Variants in PGBD5 observed in about 807,000 individuals in gnomAD.
The protein encoded by PGBD5 is piggyBac transposable element-derived protein 5.
In PGBD5, 14 loss-of-function variants were observed where a neutral mutation model predicts 47.9. The ratio of observed to expected loss-of-function variants is 0.29; its 90% CI spans 0.19 to 0.46. The LOEUF (loss-of-function observed/expected upper bound fraction) is 0.46. Among genes scored for constraint, PGBD5 ranks in the 20% least tolerant of loss-of-function variants. The pLI is 1.00. For missense variants in PGBD5, 635 were observed against 716.0 expected (o/e 0.89, Z 1.29); for synonymous variants, 316 against 306.3 (o/e 1.03, Z -0.33).
rs1666978139 is a variant in PGBD5 at position 230,318,086 on chromosome 1, C to G, written c.*5339G>C. ...TCAGAGCTAGGAGAATGTGCCTGGG[C>G]TGCTGGAGAACTGGGGTGCGCACTG... On this transcript the variant is annotated 3_prime_UTR_variant, in exon 7 of 7. Transcript: ENST00000391860. 1 of 152,258 alleles carries G rather than the reference C, an allele frequency of 6.6e-6. No individual in the cohort carries two copies. The highest frequency in any genetic ancestry group is 2.1e-4 in the South Asian group (1 of 4,828). The allele number at this position is 152,258 out of a possible 1,614,324, so 9.4% of individuals were successfully genotyped here.
intron 1 of PGBD5, among the ~76,000 whole-genome samples, chr1:230,414,084 G>A (rs893139908): frequency 6.6e-6 from 1 of 152,108 alleles, no homozygotes; most frequent in Non-Finnish European, 1.5e-5. Flanking sequence ...TAGTCGTTTG[G>A]GATTACGAAC....
At chr1:230,334,162 T>C (rs1477729683) in intron 4 of PGBD5, among the ~76,000 whole-genome samples, 2 of 152,222 alleles carry the variant, frequency 1.3e-5, no homozygotes, top group East Asian at 3.8e-4. Flanking sequence ...ATTCCTTTCC[T>C]TGTGGCAGGT....
intron 1 of PGBD5, among the ~76,000 whole-genome samples, chr1:230,375,652 C>CTTTTTT (rs199545872): frequency 9.5e-6 from 1 of 105,658 alleles, no homozygotes; most frequent in Non-Finnish European, 1.8e-5. Flanking sequence ...TCCTATTTGA[C>CTTTTTT]TTTTTTTTTT....
chr1:230,388,788 G>A (rs758992608), intron 1 of PGBD5, among the ~76,000 whole-genome samples: 12 of 152,182 alleles, frequency 7.9e-5, no homozygotes, highest in Non-Finnish European at 1.3e-4. Context: ...TTCTTTGCAG[G>A]CCACGTGTTT....
intron 1 of PGBD5, among the ~76,000 whole-genome samples, chr1:230,380,380 C>T (rs935359600): frequency 2.6e-5 from 4 of 152,246 alleles, no homozygotes; most frequent in Non-Finnish European, 5.9e-5. Context: ...CGCTCTGCCT[C>T]CCTGTGCTGG....
At chr1:230,397,710 G>A (rs1657035637) in intron 1 of PGBD5, among the ~76,000 whole-genome samples, 1 of 152,222 alleles carries the variant, frequency 6.6e-6, no homozygotes, top group Non-Finnish European at 1.5e-5. Context: ...ACTTAAGATG[G>A]TGATCTCTTC....
At chr1:230,355,727 C>T (rs1016140696) in intron 2 of PGBD5, among the ~76,000 whole-genome samples, 1 of 152,162 alleles carries the variant, frequency 6.6e-6, no homozygotes, top group Non-Finnish European at 1.5e-5. Flanking sequence ...GGACTGTGGG[C>T]CTTACACTGG....
intron 1 of PGBD5, among the ~76,000 whole-genome samples, chr1:230,397,217 A>T (rs2102738614): frequency 6.6e-6 from 1 of 152,340 alleles, no homozygotes. Context: ...TCCCGCTCAG[A>T]AATCTGGATG....
Position 230,329,659 on chromosome 1 carries a change from G to C in PGBD5, c.1273+3185C>G, listed in dbSNP as rs74143188. ...CTTGAGTAGCTCAGATTATAGGCAT[G>C]AGCCACCACACCTGGCCCTGAATGA... On this transcript the variant is annotated intron_variant, in intron 5 of 6. Coordinates refer to ENST00000391860, the MANE Select transcript of PGBD5 (RefSeq NM_001258311.2). Among the ~76,000 whole-genome samples, 143 of 152,310 alleles carry C rather than the reference G, an allele frequency of 9.4e-4. 1 individual carries two copies. Among genetic ancestry groups the C allele is most frequent in the African/African-American group, 3.4e-3 (141 of 41,562 alleles).
chr1:230,395,979 CTCTT>C lies in PGBD5; in HGVS notation c.331+29615_331+29618del, dbSNP rs1414947018. ...CACCCTCCTCCCCAACCTCAAGCTC[CTCTT>C]TCTTTTGCTTCCCTCTTTCTTCCCT... On this transcript the variant is annotated intron_variant, in intron 1 of 6. Coordinates refer to ENST00000391860, the MANE Select transcript of PGBD5 (RefSeq NM_001258311.2). 1.0e-4 allele frequency among the ~76,000 whole-genome samples: 13 copies of C among 129,216 alleles called. No homozygotes were observed. The East Asian group carries it at 2.9e-3, about 28-fold the overall frequency. The allele number at this position is 129,216 out of a possible 152,430, so 84.8% of individuals were successfully genotyped here.
At chr1:230,329,675 C>A (rs1415239729) in intron 5 of PGBD5, among the ~76,000 whole-genome samples, 1 of 152,162 alleles carries the variant, frequency 6.6e-6, no homozygotes, top group Non-Finnish European at 1.5e-5. Flanking sequence ...CCACACCTGG[C>A]CCTGAATGAG....
chr1:230,335,860 C>CTG (rs1558192901), intron 4 of PGBD5, among the ~76,000 whole-genome samples: 150 of 6,114 alleles, frequency 0.025, 36 homozygotes, highest in Non-Finnish European at 0.11. Context: ...CACAGATACA[C>CTG]ACACAGATGC....
intron 1 of PGBD5, among the ~76,000 whole-genome samples, chr1:230,416,079 G>T (rs937167929): frequency 1.3e-5 from 2 of 152,212 alleles, no homozygotes; most frequent in African/African-American, 2.4e-5. Flanking sequence ...GGTGCAAGCA[G>T]CTGGCTTCCC....
At chr1:230,328,326 T>C (rs1159784332) in intron 5 of PGBD5, among the ~76,000 whole-genome samples, 1 of 152,184 alleles carries the variant, frequency 6.6e-6, no homozygotes, top group Non-Finnish European at 1.5e-5. Context: ...AACTGAGCTG[T>C]TTCCACACCA....
Position 230,357,036 on chromosome 1 carries a change from G to C in PGBD5, c.617C>G (p.Ala206Gly), listed in dbSNP as rs1342292005. 1 of 1,614,168 alleles carries C rather than the reference G, an allele frequency of 6.2e-7. No homozygotes were observed. The highest frequency in any genetic ancestry group is 2.2e-5 in the East Asian group (1 of 44,872). Residue 206 changes from alanine (A) to glycine (G), a missense_variant, in exon 2 of 7, where the codon GCC (alanine) becomes GGC (glycine). Transcript: ENST00000391860. The surrounding 1 kb of genome is among the most constrained non-coding windows in gnomAD (Gnocchi z 5.7). The part of the protein sequence containing the change: ...NRSLALVMSQ[A>G]RFEKILKYFH... ...GTACTTGAGGATCTTCTCGAAGCGG[G>C]CCTGGCTCATGACGAGGGCGAGGCT...
chr1:230,403,363 G>A (rs1457476330), intron 1 of PGBD5, among the ~76,000 whole-genome samples: 1 of 152,202 alleles, frequency 6.6e-6, no homozygotes, highest in Non-Finnish European at 1.5e-5. Context: ...AGTGAAGATG[G>A]TTGAGCCCAA....
chr1:230,372,956 C>G (rs1667952219), intron 1 of PGBD5, among the ~76,000 whole-genome samples: 1 of 152,176 alleles, frequency 6.6e-6, no homozygotes, highest in East Asian at 1.9e-4. Flanking sequence ...TGCAGCTCTG[C>G]CAAGATCTTG....
At position 230,323,929 on chromosome 1, in the gene PGBD5, C is replaced by G. The variant is rs571648342; in HGVS notation, c.1380-309G>C. Among the ~76,000 whole-genome samples the G allele has an allele frequency of 2.6e-5, 4 of 152,376 alleles. No homozygotes were observed. The South Asian group carries it at 6.2e-4, about 24-fold the overall frequency. On this transcript the variant is annotated intron_variant, in intron 6 of 6. Transcript: ENST00000391860. This position sits in a 1 kb window ranked among gnomAD's most constrained non-coding sequence, Gnocchi z 4.1. ...CCGGAGTGGACAGGCGCCTGCCAGC[C>G]TCTCCAGCTTCCCTGCTTGCTGAAT...
chr1:230,382,479 T>C (rs1444896152), intron 1 of PGBD5, among the ~76,000 whole-genome samples: 3 of 152,144 alleles, frequency 2.0e-5, no homozygotes, highest in Non-Finnish European at 4.4e-5. Flanking sequence ...CAAGGGAAGC[T>C]CTGGCTTTTG....
Sources: allele counts gnomAD v4.1 joint callset (sites outside exome capture counted in the v4.1 genomes callset), GRCh38; gene constraint gnomAD v4.1.1; non-coding constraint Gnocchi (gnomAD v3.1); transcripts MANE v1.5; gene names NCBI Gene and HGNC (gene_info 2026-07-23, HGNC 2026-07-21).